Variants in MMP28 observed in about 807,000 individuals in gnomAD.
MMP28 encodes matrix metalloproteinase-28.
Under a neutral mutation model 60.5 loss-of-function variants are expected in MMP28, and 55 were observed. The ratio of observed to expected loss-of-function variants is 0.91; its 90% CI spans 0.73 to 1.14. The LOEUF is 1.14. Among genes scored for constraint, MMP28 ranks in the 50% most tolerant of loss-of-function variants. MMP28 has a pLI of 0.00. For synonymous variants in MMP28, 318 were observed against 312.5 expected, an observed-to-expected ratio of 1.02 and a Z score of -0.18; for missense variants, 686 against 738.3, an observed-to-expected ratio of 0.93 and a Z score of 0.82.
chr17:35,764,627 G>C, downstream of MMP28: 2 of 1,565,770 alleles, frequency 1.3e-6, no homozygotes, highest in Non-Finnish European at 1.7e-6. Flanking sequence ...GAGCGCCCCC[G>C]CTCCCAGCCT....
Position 35,795,554 on chromosome 17 carries a change from TGCCC to T in MMP28, c.-181_-178del. The stretch of plus-strand genomic sequence containing the variant: ...TGCGCGCTCTGGGCCGCTCCTCCGC[TGCCC>T]TTCGCCGGGAGCCGGCCAGACGTCG... On this transcript the variant is annotated 5_prime_UTR_variant, in exon 1 of 8. Transcript: ENST00000605424. The T allele has an allele frequency of 2.4e-6, 1 of 413,048 alleles. No individual in the cohort carries two copies. Among genetic ancestry groups the T allele is most frequent in the East Asian group, 3.7e-5 (1 of 27,386 alleles). The allele number at this position is 413,048 out of a possible 1,614,324, so 25.6% of individuals were successfully genotyped here. A position where few individuals can be genotyped will look rare whatever the true frequency, so the allele number is the denominator to read the frequency against.
chr17:35,764,533 G>A, downstream of MMP28: 1 of 1,599,470 alleles, frequency 6.3e-7, no homozygotes, highest in Non-Finnish European at 8.5e-7. Context: ...AAATGCAGGA[G>A]TCTGCACAGC....
chr17:35,781,707 G>A (rs1003768864), intron 1 of MMP28, among the ~76,000 whole-genome samples: 3 of 152,148 alleles, frequency 2.0e-5, no homozygotes, highest in Non-Finnish European at 4.4e-5. Flanking sequence ...TGTTGCCTCA[G>A]CTGCATAATT....
At chr17:35,761,883 A>T (rs1481150820), downstream of MMP28, among the ~76,000 whole-genome samples, 2 of 152,200 alleles carry the variant, frequency 1.3e-5, no homozygotes, top group Admixed American at 1.3e-4. Context: ...GCTGTGAACT[A>T]GGCCTGGCCT....
At position 35,795,349 on chromosome 17, in the gene MMP28, C is replaced by G; in HGVS notation, c.29G>C (p.Arg10Pro). ...GCCCCACAGTAGCAGCTGCAGGGCGCGCAGCAGGAGGCCGACGCGCGCGAC... is the reference window on the plus strand; with the variant it reads ...GCCCCACAGTAGCAGCTGCAGGGCGGGCAGCAGGAGGCCGACGCGCGCGAC... MVARVGLLL[R>P]ALQLLLWGHL... Residue 10 changes from arginine to proline, a missense_variant, in exon 1 of 8, where the codon CGC becomes CCC. Transcript: ENST00000605424. 1 of 1,458,570 alleles carries G rather than the reference C, an allele frequency of 6.9e-7. No homozygotes were observed. The highest frequency in any genetic ancestry group is 1.3e-5 in the South Asian group (1 of 74,238). 90.4% of individuals were successfully genotyped at this position (1,458,570 alleles called of 1,614,324 possible). A position where few individuals can be genotyped will look rare whatever the true frequency, so the allele number is the denominator to read the frequency against.
In MMP28 at chr17:35,770,191, G is replaced by T. The variant is rs375751750; in HGVS notation, c.726C>A (p.Ile242=). ...AGTGGGTGAGGCCAAGCGTGTGACC[G>T]ATCTCGTGCGCCAGCACCACGAACA... ...RNLFVVLAHE[I]GHTLGLTHSP... Residue 242 remains isoleucine, a synonymous_variant, in exon 5 of 8, where the codon ATC becomes ATA. Coordinates refer to ENST00000605424, the MANE Select transcript of MMP28 (RefSeq NM_024302.5). The T allele has an allele frequency of 1.2e-5, 20 of 1,604,516 alleles. No homozygotes were observed. Among genetic ancestry groups the T allele is most frequent in the Non-Finnish European group, 1.7e-5 (20 of 1,178,174 alleles).
chr17:35,794,081 G>C (rs1389375431), intron 1 of MMP28, among the ~76,000 whole-genome samples: 1 of 151,834 alleles, frequency 6.6e-6, no homozygotes, highest in Non-Finnish European at 1.5e-5. Flanking sequence ...CCGGGCAACA[G>C]AGCGAGACTC....
intron 4 of MMP28, 102 bp downstream of exon 4, chr17:35,773,078 C>A: frequency 1.9e-6 from 2 of 1,073,640 alleles, no homozygotes; most frequent in Non-Finnish European, 1.3e-6. Flanking sequence ...TGTGCCTCAG[C>A]CAAGGCCACA....
chr17:35,784,759 C>T (rs1252837057), intron 1 of MMP28, among the ~76,000 whole-genome samples: 2 of 152,098 alleles, frequency 1.3e-5, no homozygotes, highest in African/African-American at 4.8e-5. Context: ...GTCCTGGGGG[C>T]TTGTTCAATG....
At chr17:35,788,326 T>G (rs2086714475) in intron 1 of MMP28, among the ~76,000 whole-genome samples, 1 of 152,216 alleles carries the variant, frequency 6.6e-6, no homozygotes, top group Non-Finnish European at 1.5e-5. Flanking sequence ...GGACTCATGG[T>G]TCTCACTAGA....
intron 1 of MMP28, among the ~76,000 whole-genome samples, chr17:35,782,284 T>G (rs2143487501): frequency 6.6e-6 from 1 of 152,252 alleles, no homozygotes; most frequent in East Asian, 1.9e-4. Context: ...CTCAATCTCC[T>G]GACCTCATGA....
chr17:35,763,162 G>A (rs1013468710), downstream of MMP28, among the ~76,000 whole-genome samples: 30 of 151,986 alleles, frequency 2.0e-4, no homozygotes, highest in African/African-American at 7.0e-4. Context: ...GCCAGGGGAG[G>A]CGGCTCGTGG....
At position 35,766,896 on chromosome 17, in the gene MMP28, T is replaced by C. The variant is rs1391524615; in HGVS notation, c.1169-2A>G. On this transcript the variant is annotated splice_acceptor_variant, in intron 7 of 7. Transcript: ENST00000605424. LOFTEE classifies it high-confidence loss of function. The surrounding 1 kb of genome is among the most constrained non-coding windows in gnomAD (Gnocchi z 4.3). ...CCCGGAACCTCCAGCATCGACCCCCTGTGGGGAATTGGGAGAGCCAGGGTG... is the reference window on the plus strand; with the variant it reads ...CCCGGAACCTCCAGCATCGACCCCCCGTGGGGAATTGGGAGAGCCAGGGTG... The C allele has an allele frequency of 1.3e-6, 2 of 1,570,494 alleles. No homozygotes were observed. The highest frequency in any genetic ancestry group is 1.4e-5 in the African/African-American group (1 of 74,010).
chr17:35,766,842 C>T lies in MMP28; in HGVS notation c.1221G>A (p.Gln407=), dbSNP rs1417760367. 1 of 1,579,054 alleles carries T rather than the reference C, an allele frequency of 6.3e-7. No individual in the cohort carries two copies. The highest frequency in any genetic ancestry group is 8.6e-7 in the Non-Finnish European group (1 of 1,163,452). ...RGPKPVWGLP[Q]LCRAGGLPRH... ...GGGGCAGGCCCCCTGCCCGGCACAG[C>T]TGTGGGAGACCCCACACTGGCTTGG... Residue 407 remains glutamine (Q), a synonymous_variant, in exon 8 of 8, where the codon CAG becomes CAA. Coordinates refer to ENST00000605424, the MANE Select transcript of MMP28 (RefSeq NM_024302.5). This position sits in a 1 kb window ranked among gnomAD's most constrained non-coding sequence, Gnocchi z 4.3.
At position 35,770,211 on chromosome 17, in the gene MMP28, C is replaced by T. The variant is rs749064025; in HGVS notation, c.706G>A (p.Val236Met). Residue 236 changes from valine to methionine, a missense_variant, in exon 5 of 8, where the codon GTG becomes ATG. Coordinates refer to ENST00000605424, the MANE Select transcript of MMP28 (RefSeq NM_024302.5). ...TGACCGATCTCGTGCGCCAGCACCA[C>T]GAACAGGTTGCGCCCGCGGCGGCGG... The part of the protein sequence containing the change: ...LSRRRGRNLF[V>M]VLAHEIGHTL... The T allele has an allele frequency of 5.0e-6, 8 of 1,602,152 alleles. No individual in the cohort carries two copies. In the East Asian group the frequency reaches 1.3e-4, roughly 27 times the overall value.
rs1378575627 is a variant in MMP28 at position 35,779,059 on chromosome 17, A to T, written c.208T>A (p.Ser70Thr). 8 of 1,613,846 alleles carry T rather than the reference A, an allele frequency of 5.0e-6. No individual in the cohort carries two copies. The highest frequency in any genetic ancestry group is 1.6e-4 in the Middle Eastern group (1 of 6,084). Residue 70 changes from serine to threonine, a missense_variant, in exon 3 of 8, where the codon TCC becomes ACC. Coordinates refer to ENST00000605424, the MANE Select transcript of MMP28 (RefSeq NM_024302.5). ...AACACGCCGCTGACAGGTAGCTGGG[A>T]CACCCACTGAAACGCTCTGTCAGGA... ...SDAIRAFQWVSQLPVSGVLDR... is the reference protein window; with the variant it reads ...SDAIRAFQWVTQLPVSGVLDR...
chr17:35,790,125 T>C (rs9907320), intron 1 of MMP28, among the ~76,000 whole-genome samples: 1 of 124,222 alleles, frequency 8.1e-6, no homozygotes, highest in Non-Finnish European at 1.7e-5. Flanking sequence ...GAAGTGCAAC[T>C]GCGTGATCTC....
chr17:35,764,596 C>G (rs1218414884), downstream of MMP28: 1 of 1,587,842 alleles, frequency 6.3e-7, no homozygotes, highest in East Asian at 2.4e-5. Context: ...CTGGGTAAGG[C>G]GGGGGCCGCT....
chr17:35,778,310 G>A (rs1238773629), intron 3 of MMP28, among the ~76,000 whole-genome samples: 1 of 152,112 alleles, frequency 6.6e-6, no homozygotes, highest in Non-Finnish European at 1.5e-5. Context: ...GGGGGAGAAG[G>A]GGGAATGACT....
Sources: gnomAD v4.1 joint callset for allele counts (sites outside exome capture counted in the v4.1 genomes callset) on GRCh38, gnomAD v4.1.1 for gene constraint, Gnocchi (gnomAD v3.1) non-coding constraint, MANE v1.5 for transcripts, NCBI Gene and HGNC (gene_info 2026-07-23, HGNC 2026-07-21) for gene names.